The following RIC8B variants were observed in gnomAD, a reference collection of about 807,000 sequenced individuals.
RIC8B encodes the protein RIC8 guanine nucleotide exchange factor B, also known as chaperone Ric-8B.
A neutral mutation model predicts 57.5 loss-of-function variants in RIC8B; 16 were observed. That is an observed-to-expected ratio of 0.28 (90% CI 0.19 to 0.42). The LOEUF (loss-of-function observed/expected upper bound fraction) is 0.42, where lower values mean the gene tolerates loss of function less well. Among genes scored for constraint, RIC8B ranks in the 10% least tolerant of loss-of-function variants. The probability of loss-of-function intolerance (pLI) is 1.00; values close to 1 mark genes in which losing one functional copy is unlikely to be tolerated. For missense variants in RIC8B, 481 were observed against 677.0 expected, an observed-to-expected ratio of 0.71 and a Z score of 3.21; for synonymous variants, 216 against 250.8, an observed-to-expected ratio of 0.86 and a Z score of 1.31.
chr12:106,787,053 A>C (rs1174144752), intron 2 of RIC8B, among the ~76,000 whole-genome samples: 2 of 152,226 alleles, frequency 1.3e-5, no homozygotes, highest in African/African-American at 4.8e-5. Context: ...AGTTATTAAT[A>C]AAATGTGTTT....
chr12:106,777,397 A>C (rs1055523180), intron 1 of RIC8B, among the ~76,000 whole-genome samples: 6 of 152,186 alleles, frequency 3.9e-5, no homozygotes, highest in Non-Finnish European at 7.3e-5. Flanking sequence ...AGAACCCTGA[A>C]AAAAAATAGT....
At chr12:106,868,090 A>G (rs1171331849) in intron 8 of RIC8B, among the ~76,000 whole-genome samples, 1 of 152,194 alleles carries the variant, frequency 6.6e-6, no homozygotes, top group Non-Finnish European at 1.5e-5. Flanking sequence ...CTTAATTTCC[A>G]CCAAGCTCTT....
chr12:106,827,427 C>T (rs1022912959), intron 4 of RIC8B, among the ~76,000 whole-genome samples: 27 of 152,144 alleles, frequency 1.8e-4, no homozygotes, highest in Admixed American at 1.6e-3. Context: ...TTCCAAAATA[C>T]GGCTTAAATA....
At chr12:106,818,949 A>G (rs12311306) in intron 3 of RIC8B, among the ~76,000 whole-genome samples, 6,244 of 152,058 alleles carry the variant, frequency 0.041, 301 homozygotes, top group African/African-American at 0.12. Flanking sequence ...TATTTTTAGT[A>G]GAGATGGGGT....
chr12:106,882,836 G>A (rs913994133), intron 9 of RIC8B, among the ~76,000 whole-genome samples: 1 of 152,054 alleles, frequency 6.6e-6, no homozygotes, highest in Admixed American at 6.6e-5. Context: ...TTTTAGTGGG[G>A]GTTGATACAA....
In RIC8B at chr12:106,879,533, GGA is replaced by G. The variant is rs1950826800; in HGVS notation, c.1572-6370_1572-6369del. On this transcript the variant is annotated intron_variant, in intron 9 of 9. Coordinates refer to ENST00000392837, the MANE Select transcript of RIC8B (RefSeq NM_001330145.2). This position sits in a 1 kb window ranked among gnomAD's most constrained non-coding sequence, Gnocchi z 4.9. ...CTCAGGAAAATGTTAAAATATATCT[GGA>G]AAAAAAAAACAGACCAGAATATTTT... The G allele has an allele frequency of 3.0e-6, 3 of 983,756 alleles. No individual in the cohort carries two copies. The highest frequency in any genetic ancestry group is 1.8e-5 in the African/African-American group (1 of 56,746). The allele number at this position is 983,756 out of a possible 1,614,324, so 60.9% of individuals were successfully genotyped here. A position where few individuals can be genotyped will look rare whatever the true frequency, so the allele number is the denominator to read the frequency against.
At chr12:106,808,186 A>G (rs2045147874) in intron 2 of RIC8B, among the ~76,000 whole-genome samples, 1 of 152,184 alleles carries the variant, frequency 6.6e-6, no homozygotes, top group South Asian at 2.1e-4. Context: ...CATAGCATTT[A>G]TGTTGTATTG....
Position 106,808,084 on chromosome 12 carries a change from C to CA in RIC8B, c.133-6595dup, listed in dbSNP as rs35018524. Among the ~76,000 whole-genome samples, 686 of 108,200 alleles carry CA rather than the reference C, an allele frequency of 6.3e-3. 3 individuals carry two copies. The highest frequency in any genetic ancestry group is 0.021 in the East Asian group (73 of 3,538). The allele number at this position is 108,200 out of a possible 152,430, so 71.0% of individuals were successfully genotyped here. On this transcript the variant is annotated intron_variant, in intron 2 of 9. Coordinates refer to ENST00000392837, the MANE Select transcript of RIC8B (RefSeq NM_001330145.2). The stretch of plus-strand genomic sequence containing the variant: ...TGGGCAAAAGAGCGAGACTCTGTCT[C>CA]AAAAAAAAAAAAAAAAATTAGGGGA...
At chr12:106,863,744 C>T (rs1349234551) in intron 8 of RIC8B, among the ~76,000 whole-genome samples, 1 of 151,936 alleles carries the variant, frequency 6.6e-6, no homozygotes, top group Non-Finnish European at 1.5e-5. Context: ...GTAAAAGAGG[C>T]CAGTATATTA....
intron 4 of RIC8B, among the ~76,000 whole-genome samples, chr12:106,841,946 C>G (rs1328748739): frequency 6.6e-6 from 1 of 152,126 alleles, no homozygotes; most frequent in South Asian, 2.1e-4. Context: ...CATTAATACA[C>G]AGCTGAAAGG....
At chr12:106,878,859 A>G (rs1950795909) in intron 9 of RIC8B, 1 of 449,008 alleles carries the variant, frequency 2.2e-6, no homozygotes, top group African/African-American at 2.1e-5. Flanking sequence ...ATCATAGAAC[A>G]AAATATGTTA....
At chr12:106,881,339 GT>G (rs529698515) in intron 9 of RIC8B, among the ~76,000 whole-genome samples, 139 of 141,756 alleles carry the variant, frequency 9.8e-4, no homozygotes, top group Middle Eastern at 7.5e-3. Context: ...CTTTTGAGTT[GT>G]TTTTTTTTTT....
chr12:106,865,971 C>G (rs568577313), intron 8 of RIC8B, among the ~76,000 whole-genome samples: 2 of 152,318 alleles, frequency 1.3e-5, no homozygotes, highest in African/African-American at 4.8e-5. Flanking sequence ...CCCTCACCAC[C>G]TTCAAGTCTT....
intron 8 of RIC8B, among the ~76,000 whole-genome samples, chr12:106,868,939 C>T (rs1466064480): frequency 6.6e-6 from 1 of 150,596 alleles, no homozygotes; most frequent in Non-Finnish European, 1.5e-5. Flanking sequence ...AATGTACAGC[C>T]AAGGCTAGAA....
At chr12:106,842,436 A>G (rs1948990773) in intron 4 of RIC8B, among the ~76,000 whole-genome samples, 153 bp from the exon 5 acceptor site, 1 of 152,124 alleles carries the variant, frequency 6.6e-6, no homozygotes, top group Non-Finnish European at 1.5e-5. Flanking sequence ...TTCCTATCTC[A>G]TAGTAAGTGT....
chr12:106,853,517 G>C (rs1416402924), intron 7 of RIC8B, among the ~76,000 whole-genome samples: 1 of 126,594 alleles, frequency 7.9e-6, no homozygotes, highest in East Asian at 2.4e-4. Context: ...CGCCCAGGCT[G>C]GAGTGCAGTG....
chr12:106,862,862 A>G (rs1949997432), intron 8 of RIC8B, among the ~76,000 whole-genome samples: 2 of 152,166 alleles, frequency 1.3e-5, no homozygotes, highest in African/African-American at 2.4e-5. Flanking sequence ...GTGTCAAAAT[A>G]AATGTATTTA....
intron 4 of RIC8B, among the ~76,000 whole-genome samples, chr12:106,837,568 A>T (rs1245853765): frequency 6.6e-6 from 1 of 151,966 alleles, no homozygotes. Context: ...GCCTGGCATA[A>T]GTAAATAATA....
chr12:106,774,961 G>T, intron 1 of RIC8B, 132 bp downstream of exon 1: 1 of 685,812 alleles, frequency 1.5e-6, no homozygotes, highest in Non-Finnish European at 2.5e-6. Flanking sequence ...TTTCCGGCTT[G>T]GGCATGCGTG....
Sources: allele counts gnomAD v4.1 joint callset (sites outside exome capture counted in the v4.1 genomes callset), GRCh38; gene constraint gnomAD v4.1.1; non-coding constraint Gnocchi (gnomAD v3.1); transcripts MANE v1.5; gene names NCBI Gene and HGNC (gene_info 2026-07-23, HGNC 2026-07-21).